The following ZBTB20 variants were observed in gnomAD, a reference collection of about 807,000 sequenced individuals.
ZBTB20 encodes the protein zinc finger and BTB domain-containing protein 20.
ZBTB20 carries 9 observed loss-of-function variants against 56.9 expected under a neutral mutation model. The observed-to-expected ratio is 0.16, with a 90% confidence interval of 0.10 to 0.28. ZBTB20 has a LOEUF of 0.28. ZBTB20 is among the 10% of genes least tolerant of loss of function. The pLI is 1.00. For missense variants in ZBTB20, 655 were observed against 1,003.0 expected (o/e 0.65, Z 4.69); for synonymous variants, 417 against 420.7 (o/e 0.99, Z 0.11).
chr3:114,788,536 T>C (rs2070719081), intron 5 of ZBTB20, among the ~76,000 whole-genome samples: 2 of 152,156 alleles, frequency 1.3e-5, no homozygotes, highest in African/African-American at 4.8e-5. Flanking sequence ...ATGGACCACA[T>C]TTTGTTAATC....
At chr3:114,667,132 G>T (rs2061103420) in intron 6 of ZBTB20, among the ~76,000 whole-genome samples, 1 of 151,954 alleles carries the variant, frequency 6.6e-6, no homozygotes, top group African/African-American at 2.4e-5. Flanking sequence ...TTGAATTTCT[G>T]CAATCAGACC....
At chr3:114,679,794 CA>C (rs1028996499) in intron 6 of ZBTB20, among the ~76,000 whole-genome samples, 1 of 151,994 alleles carries the variant, frequency 6.6e-6, no homozygotes, top group Non-Finnish European at 1.5e-5. Context: ...GGTATATACC[CA>C]AAAAAATTAT....
At chr3:114,782,821 A>G (rs1294480208) in intron 5 of ZBTB20, among the ~76,000 whole-genome samples, 1 of 152,220 alleles carries the variant, frequency 6.6e-6, no homozygotes, top group Non-Finnish European at 1.5e-5. Flanking sequence ...CTTAATGTAG[A>G]AACTGGCTGA....
chr3:115,024,856 G>A (rs1220517445), intron 2 of ZBTB20, among the ~76,000 whole-genome samples: 1 of 151,084 alleles, frequency 6.6e-6, no homozygotes, highest in Non-Finnish European at 1.5e-5. Flanking sequence ...TTTAATTGTT[G>A]TTAGTAGTAG....
chr3:114,880,367 C>T (rs1238798673), intron 4 of ZBTB20, among the ~76,000 whole-genome samples: 1 of 152,102 alleles, frequency 6.6e-6, no homozygotes, highest in Non-Finnish European at 1.5e-5. Context: ...TTGACCTCTT[C>T]CCACCTCTTT....
chr3:114,591,790 GGTTA>G (rs1234576508), intron 6 of ZBTB20, among the ~76,000 whole-genome samples: 2 of 152,098 alleles, frequency 1.3e-5, no homozygotes, highest in Admixed American at 1.3e-4. Context: ...CCTCTGAAGT[GGTTA>G]GTTATACTTA....
chr3:114,876,507 A>T (rs1325747452), intron 4 of ZBTB20: 1 of 152,218 alleles, frequency 6.6e-6, no homozygotes. Flanking sequence ...TTAAAAAGTT[A>T]TAAAGTCCTG....
chr3:115,056,396 C>G (rs1449958312), intron 2 of ZBTB20, among the ~76,000 whole-genome samples: 1 of 152,016 alleles, frequency 6.6e-6, no homozygotes, highest in Middle Eastern at 3.2e-3. Flanking sequence ...TGTATCATAA[C>G]CTTATATGTG....
In ZBTB20 at chr3:114,320,208, G is replaced by C. The variant is rs9854924; in HGVS notation, c.*18797C>G. On this transcript the variant is annotated 3_prime_UTR_variant, in exon 12 of 12. Transcript: ENST00000675478. ...GTACAAATATATTTTTTTCATAGCTGTTTTCCCCTGTTGCTTATTTGCTGT... is the reference window on the plus strand; with the variant it reads ...GTACAAATATATTTTTTTCATAGCTCTTTTCCCCTGTTGCTTATTTGCTGT... The C allele has an allele frequency of 2.0e-5, 3 of 151,888 alleles. No homozygotes were observed. In the East Asian group the frequency reaches 5.8e-4, roughly 29 times the overall value. 9.4% of individuals were successfully genotyped at this position (151,888 alleles called of 1,614,324 possible).
At chr3:114,403,702 A>C (rs2087025380) in intron 7 of ZBTB20, among the ~76,000 whole-genome samples, 1 of 152,120 alleles carries the variant, frequency 6.6e-6, no homozygotes, top group Non-Finnish European at 1.5e-5. Flanking sequence ...AGTTATTATA[A>C]AGCAAACTTC....
intron 5 of ZBTB20, among the ~76,000 whole-genome samples, chr3:114,790,722 G>T (rs2070894205): frequency 6.6e-6 from 1 of 151,236 alleles, no homozygotes; most frequent in Non-Finnish European, 1.5e-5. Flanking sequence ...GGTACTCCTG[G>T]TTTTTTGCCC....
chr3:114,964,995 T>A (rs1355614704), intron 3 of ZBTB20, among the ~76,000 whole-genome samples: 2 of 152,108 alleles, frequency 1.3e-5, no homozygotes, highest in Non-Finnish European at 2.9e-5. Flanking sequence ...TGGAAAAAAA[T>A]TCCTAAAATA....
intron 2 of ZBTB20, among the ~76,000 whole-genome samples, chr3:115,049,177 G>C (rs1192411887): frequency 6.6e-6 from 1 of 151,910 alleles, no homozygotes; most frequent in Non-Finnish European, 1.5e-5. Flanking sequence ...CCCTTCTTGT[G>C]ACTCTATACC....
intron 6 of ZBTB20, among the ~76,000 whole-genome samples, chr3:114,655,528 A>C (rs951164965): frequency 6.6e-6 from 1 of 152,042 alleles, no homozygotes; most frequent in African/African-American, 2.4e-5. Context: ...CTGGGATTAC[A>C]GGCGTGAGCC....
At chr3:115,047,051 G>T (rs2081359572) in intron 2 of ZBTB20, among the ~76,000 whole-genome samples, 1 of 151,994 alleles carries the variant, frequency 6.6e-6, no homozygotes, top group Admixed American at 6.6e-5. Context: ...CCAACAATTT[G>T]GTATGATAAA....
chr3:114,986,703 T>A (rs2078560641), intron 2 of ZBTB20, among the ~76,000 whole-genome samples: 1 of 152,150 alleles, frequency 6.6e-6, no homozygotes, highest in Admixed American at 6.6e-5. Flanking sequence ...GGTTGATAGC[T>A]ACTTTCAAAA....
Position 114,879,710 on chromosome 3 carries a change from G to C in ZBTB20, c.-417+20594C>G, listed in dbSNP as rs560362632. Among the ~76,000 whole-genome samples the C allele has an allele frequency of 2.6e-5, 4 of 152,252 alleles. No homozygotes were observed. The East Asian group carries it at 7.7e-4, about 29-fold the overall frequency. Reference sequence around the variant, plus strand: ...TTTGAGGCAGTACTTGCTTTTGTGTGATAGAATTATCTGTTGGTATCCGAC... The same window carrying C: ...TTTGAGGCAGTACTTGCTTTTGTGTCATAGAATTATCTGTTGGTATCCGAC... On this transcript the variant is annotated intron_variant, in intron 4 of 11. Transcript: ENST00000675478.
chr3:114,454,391 A>AC (rs1308677153), intron 7 of ZBTB20, among the ~76,000 whole-genome samples: 1 of 150,300 alleles, frequency 6.7e-6, no homozygotes, highest in African/African-American at 2.5e-5. Context: ...ACTCTTTCCC[A>AC]CCCCCCGTTG....
At chr3:114,745,445 G>A (rs2066967282) in intron 5 of ZBTB20, among the ~76,000 whole-genome samples, 1 of 152,136 alleles carries the variant, frequency 6.6e-6, no homozygotes. Flanking sequence ...AGTCTGTTTA[G>A]GAATCTGAGA....
Sources: gnomAD v4.1 joint callset for allele counts (sites outside exome capture counted in the v4.1 genomes callset) on GRCh38, gnomAD v4.1.1 for gene constraint, MANE v1.5 for transcripts, NCBI Gene and HGNC (gene_info 2026-07-23, HGNC 2026-07-21) for gene names.